MGAM: variants seen among roughly 807,000 people sequenced by gnomAD.
MGAM encodes maltase-glucoamylase.
A neutral mutation model predicts 358.8 loss-of-function variants in MGAM; 253 were observed. The observed-to-expected ratio is 0.71, with a 90% CI of 0.64 to 0.78. The LOEUF (loss-of-function observed/expected upper bound fraction) is 0.78. MGAM is among the 30% of genes least tolerant of loss of function. The pLI is 0.00. For synonymous variants in MGAM, 1,105 were observed against 1,227.1 expected (o/e 0.90, Z 2.08); for missense variants, 3,080 against 3,432.6 (o/e 0.90, Z 2.57).
intron 69 of MGAM, 144 bp from the exon 70 acceptor site, chr7:142,103,125 A>C (rs1161941548): frequency 2.7e-6 from 2 of 744,726 alleles, no homozygotes; most frequent in Non-Finnish European, 4.3e-6. Context: ...AGAGTGATGA[A>C]ATCATGATTT....
Position 142,040,716 on chromosome 7 carries a change from C to G in MGAM, c.2374-6C>G. ...CCAATGTGTTTGATTTATCTGCATG[C>G]ATCAGGGGAGCCAAGTGAGATGGAG... is the stretch of plus-strand genomic sequence containing the variant. On this transcript the variant is annotated splice_region_variant and splice_polypyrimidine_tract_variant and intron_variant, in intron 20 of 70. Coordinates refer to ENST00000475668, the MANE Select transcript of MGAM (RefSeq NM_001365693.1). 1 of 1,612,634 alleles carries G rather than the reference C, an allele frequency of 6.2e-7. No individual in the cohort carries two copies. The highest frequency in any genetic ancestry group is 1.1e-5 in the South Asian group (1 of 90,908).
intron 2 of MGAM, among the ~76,000 whole-genome samples, chr7:141,987,147 G>C (rs1803745629): frequency 6.6e-6 from 1 of 152,106 alleles, no homozygotes; most frequent in South Asian, 2.1e-4. Context: ...GGTGGTGCTG[G>C]TAGTGGTGGT....
At chr7:141,986,863 T>TA (rs1371055639) in intron 2 of MGAM, among the ~76,000 whole-genome samples, 7 of 152,100 alleles carry the variant, frequency 4.6e-5, no homozygotes, top group Non-Finnish European at 8.8e-5. Flanking sequence ...TACCCTCATC[T>TA]AAAAAAATAG....
At chr7:142,061,853 C>A (rs1317490352) in intron 34 of MGAM, among the ~76,000 whole-genome samples, 1 of 152,096 alleles carries the variant, frequency 6.6e-6, no homozygotes, top group Non-Finnish European at 1.5e-5. Flanking sequence ...GCATTGTGGG[C>A]AATATAAATA....
At chr7:142,080,328 C>T (rs1219751534) in intron 49 of MGAM, among the ~76,000 whole-genome samples, 1 of 146,284 alleles carries the variant, frequency 6.8e-6, no homozygotes, top group Non-Finnish European at 1.5e-5. Flanking sequence ...GTGTCTTGTG[C>T]AGTGTCAGGC....
In MGAM at chr7:142,031,754, G is replaced by T; in HGVS notation, c.1545G>T (p.Glu515Asp). Residue 515 changes from glutamate to aspartate, a missense_variant, in exon 13 of 71, where the codon GAG becomes GAT. By Grantham distance (45) the Glu-to-Asp change is conservative (BLOSUM62 2). This residue lies in a region of MGAM where 1,816 missense variants were observed against 1,840.5 expected (regional missense o/e 0.99). Coordinates refer to ENST00000475668, the MANE Select transcript of MGAM (RefSeq NM_001365693.1). ...NCAVWWTKEFELFHNQVEFDG... is the reference protein window; with the variant it reads ...NCAVWWTKEFDLFHNQVEFDG... ...CTGTTTGGTGGACAAAGGAATTTGAGCTTTTTCACAATCAAGTAGAGTTTG... is the reference window on the plus strand; with the variant it reads ...CTGTTTGGTGGACAAAGGAATTTGATCTTTTTCACAATCAAGTAGAGTTTG... The T allele has an allele frequency of 6.2e-7, 1 of 1,612,764 alleles. No homozygotes were observed. The highest frequency in any genetic ancestry group is 1.1e-5 in the South Asian group (1 of 91,052).
At chr7:141,996,639 A>G (rs1468596011) in intron 1 of MGAM, among the ~76,000 whole-genome samples, 3 of 152,198 alleles carry the variant, frequency 2.0e-5, no homozygotes, top group Non-Finnish European at 4.4e-5. Context: ...TTCCCTCTGA[A>G]AGGATTTGGA....
intron 57 of MGAM, among the ~76,000 whole-genome samples, chr7:142,090,496 T>C (rs967766564): frequency 6.8e-6 from 1 of 145,988 alleles, no homozygotes; most frequent in African/African-American, 2.4e-5. Context: ...TCTGTCAAGA[T>C]TCTCCGTGAT....
intron 2 of MGAM, among the ~76,000 whole-genome samples, chr7:141,990,733 A>C (rs1370473288): frequency 6.6e-6 from 1 of 151,934 alleles, no homozygotes; most frequent in African/African-American, 2.4e-5. Context: ...CACAATGTGC[A>C]GGTTAGTTAC....
At chr7:142,048,400 G>A (rs1304534838) in intron 22 of MGAM, among the ~76,000 whole-genome samples, 3 of 151,608 alleles carry the variant, frequency 2.0e-5, no homozygotes, top group Non-Finnish European at 4.4e-5. Context: ...TGCCCGGCTC[G>A]GCCCCCCAAA....
In MGAM at chr7:142,076,190, C is replaced by G. The variant is rs779802448; in HGVS notation, c.5276-13C>G. Reference sequence around the variant, plus strand: ...GCAAGCCGGAGTCTGACTTGTCTTTCTGTCACTTTCAGATACTGTGGCCAA... The same window carrying G: ...GCAAGCCGGAGTCTGACTTGTCTTTGTGTCACTTTCAGATACTGTGGCCAA... On this transcript the variant is annotated splice_polypyrimidine_tract_variant and intron_variant, in intron 45 of 70. Coordinates refer to ENST00000475668, the MANE Select transcript of MGAM (RefSeq NM_001365693.1). The G allele has an allele frequency of 2.6e-6, 4 of 1,539,320 alleles. No homozygotes were observed. In the African/African-American group the frequency reaches 5.4e-5, roughly 21 times the overall value.
chr7:142,063,522 C>T lies in MGAM; in HGVS notation c.4281C>T (p.Phe1427=), dbSNP rs1812433008. The T allele has an allele frequency of 3.7e-6, 6 of 1,613,614 alleles. No homozygotes were observed. The Middle Eastern group carries it at 6.6e-4, about 177-fold the overall frequency. The stretch of plus-strand genomic sequence containing the variant: ...AGGATATGAATGAACCATCAAGCTT[C>T]GTGAATGGGGCAGTTTCTCCAGGCT... ...MWIDMNEPSS[F]VNGAVSPGCR... is the part of the protein sequence containing the mutation. Residue 1427 remains phenylalanine (F), a synonymous_variant, in exon 36 of 71, where the codon TTC becomes TTT. Coordinates refer to ENST00000475668, the MANE Select transcript of MGAM (RefSeq NM_001365693.1).
chr7:142,009,408 TTACTCAATAGCTCAATTGAGCTG>T (rs1245289074), intron 3 of MGAM, among the ~76,000 whole-genome samples: 5 of 152,108 alleles, frequency 3.3e-5, no homozygotes, highest in South Asian at 2.1e-4. Flanking sequence ...ATTGTGCAAG[TTACTCAATAGCTCAATTGAGCTG>T]TACTCAATAG....
intron 2 of MGAM, among the ~76,000 whole-genome samples, chr7:141,986,626 C>A (rs1222248920): frequency 6.6e-6 from 1 of 152,140 alleles, no homozygotes; most frequent in Admixed American, 6.5e-5. Context: ...AATATACCTA[C>A]CAGTGGCTCA....
In MGAM at chr7:142,102,675, G is replaced by T; in HGVS notation, c.8009G>T (p.Ser2670Ile). ...TATTACTTGGCCAGCTTTTCTGCCA[G>T]CCAGGTGAGTGTGATTGATATGAAG... ...GLYYLASFSA[S>I]QNTMQSHIIF... Residue 2670 changes from serine to isoleucine, a missense_variant, in exon 69 of 71, where the codon AGC becomes ATC. Ser to Ile is a moderately radical substitution (Grantham distance 142). Transcript: ENST00000475668. 2 of 1,613,144 alleles carry T rather than the reference G, an allele frequency of 1.2e-6. No homozygotes were observed. The highest frequency in any genetic ancestry group is 4.5e-5 in the East Asian group (2 of 44,848).
At chr7:142,018,820 G>T (rs1806172671) in intron 3 of MGAM, among the ~76,000 whole-genome samples, 1 of 152,122 alleles carries the variant, frequency 6.6e-6, no homozygotes, top group African/African-American at 2.4e-5. Context: ...ACAGATGATT[G>T]CAAAGTCTTA....
chr7:142,050,614 T>C, intron 23 of MGAM, 83 bp from the exon 24 acceptor site: 3 of 1,392,774 alleles, frequency 2.2e-6, no homozygotes, highest in Non-Finnish European at 3.0e-6. Context: ...GGGTATCCGG[T>C]CTGGAATGGA....
chr7:142,095,221 A>T (rs1348698805), intron 63 of MGAM, among the ~76,000 whole-genome samples: 1 of 152,202 alleles, frequency 6.6e-6, no homozygotes, highest in Non-Finnish European at 1.5e-5. Context: ...TGCTGGGATT[A>T]CAGGCGTGAG....
At position 142,066,926 on chromosome 7, in the gene MGAM, C is replaced by T. The variant is rs187686848; in HGVS notation, c.4919+205C>T. Among the ~76,000 whole-genome samples, 21 of 145,984 alleles carry T rather than the reference C, an allele frequency of 1.4e-4. 2 individuals are homozygous for T. Among genetic ancestry groups the T allele is most frequent in the African/African-American group, 4.4e-4 (18 of 41,124 alleles). On this transcript the variant is annotated intron_variant, in intron 41 of 70. Transcript: ENST00000475668. The stretch of plus-strand genomic sequence containing the variant: ...TAAAAAAAGGGTATTTATTGAATGA[C>T]GAAAATTGAAATGATGCAGTACAGC...
Sources: gnomAD v4.1 joint callset for allele counts (sites outside exome capture counted in the v4.1 genomes callset) on GRCh38, gnomAD v4.1.1 for gene constraint, gnomAD v4.1.1 regional missense constraint, MANE v1.5 for transcripts, NCBI Gene and HGNC (gene_info 2026-07-23, HGNC 2026-07-21) for gene names.